GRIN2D: variants seen among roughly 807,000 people sequenced by gnomAD.
GRIN2D encodes glutamate receptor ionotropic, NMDA 2D.
A neutral mutation model predicts 103.2 loss-of-function variants in GRIN2D; 37 were observed. The ratio of observed to expected loss-of-function variants is 0.36; its 90% CI spans 0.28 to 0.47. The LOEUF (loss-of-function observed/expected upper bound fraction) is 0.47, where lower values mean the gene tolerates loss of function less well. Among genes scored for constraint, GRIN2D ranks in the 20% least tolerant of loss-of-function variants. GRIN2D has a pLI of 1.00. For synonymous variants in GRIN2D, 845 were observed against 885.6 expected, an observed-to-expected ratio of 0.95 and a Z score of 0.81; for missense variants, 1,557 against 1,910.6, an observed-to-expected ratio of 0.81 and a Z score of 3.45.
intron 4 of GRIN2D, among the ~76,000 whole-genome samples, chr19:48,412,919 T>G (rs1970893687): frequency 6.9e-6 from 1 of 144,560 alleles, no homozygotes; most frequent in South Asian, 2.2e-4. Context: ...TCACTGAGGC[T>G]GAGGTCAGGA....
chr19:48,435,537 G>C (rs554893788), intron 11 of GRIN2D, among the ~76,000 whole-genome samples: 3 of 151,978 alleles, frequency 2.0e-5, no homozygotes, highest in African/African-American at 7.2e-5. Flanking sequence ...TGATCCGCTC[G>C]AGGTTCAAGC....
At chr19:48,416,809 C>T (rs1418000189) in intron 8 of GRIN2D, among the ~76,000 whole-genome samples, 5 of 151,022 alleles carry the variant, frequency 3.3e-5, no homozygotes, top group African/African-American at 1.2e-4. Flanking sequence ...GGCACCATCT[C>T]GGCTCACTGC....
Position 48,405,785 on chromosome 19 carries a change from C to A in GRIN2D, c.1085+432C>A, listed in dbSNP as rs750643373. On this transcript the variant is annotated intron_variant, in intron 4 of 13. Transcript: ENST00000263269. The surrounding 1 kb of genome is among the most constrained non-coding windows in gnomAD (Gnocchi z 5.1). ...AACAATCCAGTGGCCCAGATGAGGT[C>A]GAAGTTTGTTCCTCTCTCACGTAAC... Among the ~76,000 whole-genome samples the A allele has an allele frequency of 3.0e-4, 45 of 152,130 alleles. No homozygotes were observed. Among genetic ancestry groups the A allele is most frequent in the Admixed American group, 1.2e-3 (18 of 15,266 alleles).
Position 48,443,032 on chromosome 19 carries a change from G to A in GRIN2D, c.3106G>A (p.Ala1036Thr). The change falls in exon 14 of 14, where the codon GCC becomes ACC. Residue 1036 changes from alanine (A) to threonine (T), a missense_variant. By Grantham distance (58) the Ala-to-Thr change is moderately conservative. Coordinates refer to ENST00000263269, the MANE Select transcript of GRIN2D (RefSeq NM_000836.4). This position sits in a 1 kb window ranked among gnomAD's most constrained non-coding sequence, Gnocchi z 8.9. ...CCCGTCGCCGCCCGCGCCCCCCGCC[G>A]CCGCGGCCACCGCCGTCGGGCCGCC... is the stretch of plus-strand genomic sequence containing the variant. ...GFPSPPAPPAAAATAVGPPLC... is the reference protein window; with the variant it reads ...GFPSPPAPPATAATAVGPPLC... The A allele has an allele frequency of 8.6e-6, 9 of 1,050,282 alleles. No homozygotes were observed. Among genetic ancestry groups the A allele is most frequent in the Middle Eastern group, 4.5e-4 (1 of 2,236 alleles). The allele number at this position is 1,050,282 out of a possible 1,614,324, so 65.1% of individuals were successfully genotyped here. A position where few individuals can be genotyped will look rare whatever the true frequency, so the allele number is the denominator to read the frequency against.
At position 48,442,457 on chromosome 19, in the gene GRIN2D, GGAGATGTGGGTC is replaced by G. The variant is rs1234017745; in HGVS notation, c.2673+85_2673+96del. On this transcript the variant is annotated intron_variant, in intron 13 of 13. Transcript: ENST00000263269. This position sits in a 1 kb window ranked among gnomAD's most constrained non-coding sequence, Gnocchi z 7.2. The stretch of plus-strand genomic sequence containing the variant: ...CAAAGGTAAAGCCGAGCAGAGACAA[GGAGATGTGGGTC>G]GAGATGTGGATAGTGGGGAAGAGAG... 4.5e-6 allele frequency: 7 copies of G among 1,547,626 alleles called. No homozygotes were observed. The highest frequency in any genetic ancestry group is 1.7e-4 in the Middle Eastern group (1 of 5,876).
chr19:48,408,073 A>G (rs578076945), intron 4 of GRIN2D, among the ~76,000 whole-genome samples: 7 of 152,010 alleles, frequency 4.6e-5, no homozygotes, highest in Non-Finnish European at 8.8e-5. Flanking sequence ...GGTGGCTCAC[A>G]CCTGTAATCC....
chr19:48,425,403 G>A (rs888006253), intron 11 of GRIN2D, among the ~76,000 whole-genome samples: 10 of 152,210 alleles, frequency 6.6e-5, no homozygotes, highest in Middle Eastern at 3.4e-3. Context: ...CACCATCCCC[G>A]GCTAATTTTT....
chr19:48,426,224 C>CTTTTTTTTTTTTTCTT (rs1971084690), intron 11 of GRIN2D, among the ~76,000 whole-genome samples: 3 of 120,084 alleles, frequency 2.5e-5, no homozygotes, highest in African/African-American at 3.6e-5. Context: ...TTCTTTCTTT[C>CTTTTTTTTTTTTTCTT]TTTTTTTTTT....
At chr19:48,440,205 C>T (rs543555134) in intron 11 of GRIN2D, among the ~76,000 whole-genome samples, 5 of 151,802 alleles carry the variant, frequency 3.3e-5, no homozygotes, top group Admixed American at 1.3e-4. Context: ...GAGTGAAACT[C>T]GGTCTCAAGA....
intron 8 of GRIN2D, among the ~76,000 whole-genome samples, chr19:48,417,525 G>A (rs1235648637): frequency 6.6e-6 from 1 of 152,192 alleles, no homozygotes; most frequent in Non-Finnish European, 1.5e-5. Flanking sequence ...CCTGGGAGAG[G>A]GGAGGGGCTG....
chr19:48,435,364 A>ACTGCAACG (rs969060649), intron 11 of GRIN2D, among the ~76,000 whole-genome samples: 1 of 135,424 alleles, frequency 7.4e-6, no homozygotes, highest in African/African-American at 2.8e-5. Flanking sequence ...ATCTCAGCTC[A>ACTGCAACG]CTGCAACGTC....
chr19:48,415,878 C>T, intron 7 of GRIN2D, 124 bp from the exon 8 acceptor site: 1 of 821,058 alleles, frequency 1.2e-6, no homozygotes, highest in East Asian at 2.4e-5. Flanking sequence ...CTCGCAATCC[C>T]TCTTGGCCCC....
At position 48,419,577 on chromosome 19, in the gene GRIN2D, C is replaced by A; in HGVS notation, c.1862-8C>A. 6.2e-7 allele frequency: 1 copy of A among 1,602,192 alleles called. No homozygotes were observed. The highest frequency in any genetic ancestry group is 8.5e-7 in the Non-Finnish European group (1 of 1,169,798). ...TGGGGTCCATGTCCACGTCCTGGCC[C>A]CCTGCAGGCCCTGGCGGTTCAACCT... On this transcript the variant is annotated splice_region_variant and splice_polypyrimidine_tract_variant and intron_variant, in intron 9 of 13. Transcript: ENST00000263269.
rs1279227442 is a variant in GRIN2D at position 48,443,352 on chromosome 19, C to G, written c.3426C>G (p.Ala1142=). 17 of 1,512,698 alleles carry G rather than the reference C, an allele frequency of 1.1e-5. No individual in the cohort carries two copies. The highest frequency in any genetic ancestry group is 1.5e-5 in the Non-Finnish European group (17 of 1,139,730). 93.7% of individuals were successfully genotyped at this position (1,512,698 alleles called of 1,614,324 possible). Residue 1142 remains alanine (A), a synonymous_variant, in exon 14 of 14, where the codon GCC becomes GCG. Coordinates refer to ENST00000263269, the MANE Select transcript of GRIN2D (RefSeq NM_000836.4). This position sits in a 1 kb window ranked among gnomAD's most constrained non-coding sequence, Gnocchi z 8.9. Reference sequence around the variant, plus strand: ...TCGCCGACTTCCCTTACCCGTATGCCGAGCGCCTCGGGCCGCCGCCCGGCC... The same window carrying G: ...TCGCCGACTTCCCTTACCCGTATGCGGAGCGCCTCGGGCCGCCGCCCGGCC... ...WWFADFPYPY[A]ERLGPPPGRY...
In GRIN2D at chr19:48,442,921, C is replaced by A; in HGVS notation, c.2995C>A (p.Pro999Thr). The change falls in exon 14 of 14, where the codon CCC becomes ACC. Residue 999 changes from proline to threonine, a missense_variant. Transcript: ENST00000263269. The surrounding 1 kb of genome is among the most constrained non-coding windows in gnomAD (Gnocchi z 7.2). ...GRPLSPPAAQPPQKPPPSYFA... is the reference protein window; with the variant it reads ...GRPLSPPAAQTPQKPPPSYFA... ...CCCGCTGTCCCCGCCGGCCGCTCAG[C>A]CCCCGCAGAAGCCGCCGCCCTCCTA... The A allele has an allele frequency of 8.9e-7, 1 of 1,125,048 alleles. No homozygotes were observed. The allele number at this position is 1,125,048 out of a possible 1,614,324, so 69.7% of individuals were successfully genotyped here.
At position 48,416,079 on chromosome 19, in the gene GRIN2D, C is replaced by T. The variant is rs781481911; in HGVS notation, c.1659C>T (p.Ser553=). ...AGCGCTCCGAGATCGTGGACTTCTC[C>T]GTCCCCTTCGTGGAGACCGGCATCA... ...NEERSEIVDF[S]VPFVETGISV... is the part of the protein sequence containing the mutation. Residue 553 remains serine, a synonymous_variant, in exon 8 of 14, where the codon TCC becomes TCT. Coordinates refer to ENST00000263269, the MANE Select transcript of GRIN2D (RefSeq NM_000836.4). 4 of 1,613,882 alleles carry T rather than the reference C, an allele frequency of 2.5e-6. No homozygotes were observed. The highest frequency in any genetic ancestry group is 2.2e-5 in the South Asian group (2 of 91,068).
At chr19:48,429,556 C>T (rs953777883) in intron 11 of GRIN2D, among the ~76,000 whole-genome samples, 72 of 152,116 alleles carry the variant, frequency 4.7e-4, no homozygotes, top group Admixed American at 4.5e-3. Context: ...CCTGCCACCA[C>T]GCCCAGCTAA....
At position 48,443,400 on chromosome 19, in the gene GRIN2D, C is replaced by T. The variant is rs1173048051; in HGVS notation, c.3474C>T (p.Leu1158=). The T allele has an allele frequency of 7.0e-7, 1 of 1,420,726 alleles. No homozygotes were observed. Among genetic ancestry groups the T allele is most frequent in the Non-Finnish European group, 9.2e-7 (1 of 1,091,422 alleles). The allele number at this position is 1,420,726 out of a possible 1,614,324, so 88.0% of individuals were successfully genotyped here. A position where few individuals can be genotyped will look rare whatever the true frequency, so the allele number is the denominator to read the frequency against. ...PPGRYWSVDK[L]GGWRAGSWDY... is the part of the protein sequence containing the mutation. Reference sequence around the variant, plus strand: ...GCCGCTACTGGTCGGTCGACAAGCTCGGGGGCTGGCGCGCCGGGAGCTGGG... The same window carrying T: ...GCCGCTACTGGTCGGTCGACAAGCTTGGGGGCTGGCGCGCCGGGAGCTGGG... Residue 1158 remains leucine (L), a synonymous_variant, in exon 14 of 14, where the codon CTC becomes CTT. Transcript: ENST00000263269. This position sits in a 1 kb window ranked among gnomAD's most constrained non-coding sequence, Gnocchi z 8.9.
At position 48,443,919 on chromosome 19, in the gene GRIN2D, C is replaced by T; in HGVS notation, c.3993C>T (p.Ser1331=). ...GCAGGGGCTCGGCGCACTTCTCTAG[C>T]CTCGAGTCCGAGGTATGACGCGGCC... is the stretch of plus-strand genomic sequence containing the variant. ...GTRRGSAHFS[S]LESEV is the part of the protein sequence containing the mutation. The change falls in exon 14 of 14, where the codon AGC becomes AGT. Residue 1331 remains serine, a synonymous_variant. Transcript: ENST00000263269. This position sits in a 1 kb window ranked among gnomAD's most constrained non-coding sequence, Gnocchi z 8.9. The T allele has an allele frequency of 6.9e-7, 1 of 1,443,666 alleles. No individual in the cohort carries two copies. Among genetic ancestry groups the T allele is most frequent in the Non-Finnish European group, 9.1e-7 (1 of 1,100,618 alleles). 89.4% of individuals were successfully genotyped at this position (1,443,666 alleles called of 1,614,324 possible). A position where few individuals can be genotyped will look rare whatever the true frequency, so the allele number is the denominator to read the frequency against.
Sources: gnomAD v4.1 joint callset for allele counts (sites outside exome capture counted in the v4.1 genomes callset) on GRCh38, gnomAD v4.1.1 for gene constraint, Gnocchi (gnomAD v3.1) non-coding constraint, MANE v1.5 for transcripts, NCBI Gene and HGNC (gene_info 2026-07-23, HGNC 2026-07-21) for gene names.